MSRA: variants seen among roughly 807,000 people sequenced by gnomAD.
MSRA encodes methionine sulfoxide reductase A, also known as mitochondrial peptide methionine sulfoxide reductase.
In MSRA, 54 loss-of-function variants were observed where a neutral mutation model predicts 31.3. The observed-to-expected ratio is 1.73, with a 90% CI of 1.39 to 2.17. The LOEUF is 2.17. MSRA is among the 30% of genes most tolerant of loss of function. MSRA has a pLI of 0.00. For synonymous variants in MSRA, 169 were observed against 116.5 expected (o/e 1.45, Z -2.90); for missense variants, 507 against 300.9 (o/e 1.69, Z -5.07).
In MSRA at chr8:10,074,937, GT is replaced by G. The variant is rs200727804; in HGVS notation, c.142+20280del. Among the ~76,000 whole-genome samples the G allele has an allele frequency of 9.0e-3, 1,367 of 152,278 alleles. 68 individuals carry two copies. Among genetic ancestry groups the G allele is most frequent in the Admixed American group, 0.082 (1,251 of 15,302 alleles). ...GCCTCCCGAAGTGCTGGGATTACAG[GT>G]GTGAGCCACCACGCCCGGCACCCTG... On this transcript the variant is annotated intron_variant, in intron 1 of 5. Coordinates refer to ENST00000317173, the MANE Select transcript of MSRA (RefSeq NM_012331.5).
intron 1 of MSRA, among the ~76,000 whole-genome samples, chr8:10,199,427 C>G (rs937477675): frequency 6.6e-6 from 1 of 152,216 alleles, no homozygotes; most frequent in Non-Finnish European, 1.5e-5. Flanking sequence ...TCAAGTGATT[C>G]TCCTGCCTCA....
At chr8:10,194,235 A>G (rs938999917) in intron 1 of MSRA, among the ~76,000 whole-genome samples, 1 of 152,146 alleles carries the variant, frequency 6.6e-6, no homozygotes, top group Non-Finnish European at 1.5e-5. Flanking sequence ...AAAATTTTGC[A>G]TGCTTGATCC....
chr8:10,100,639 G>A (rs1272913922), intron 1 of MSRA, among the ~76,000 whole-genome samples: 1 of 152,120 alleles, frequency 6.6e-6, no homozygotes, highest in African/African-American at 2.4e-5. Flanking sequence ...ACTGGAGTTA[G>A]GAGTTTATTC....
intron 3 of MSRA, among the ~76,000 whole-genome samples, chr8:10,296,672 G>A (rs891269324): frequency 6.6e-6 from 1 of 152,226 alleles, no homozygotes; most frequent in Non-Finnish European, 1.5e-5. Context: ...CACCCAGTTT[G>A]CAGGTGAAGA....
chr8:10,373,791 C>A (rs554706767), intron 5 of MSRA, among the ~76,000 whole-genome samples: 1 of 152,210 alleles, frequency 6.6e-6, no homozygotes, highest in Non-Finnish European at 1.5e-5. Context: ...CTTTGGAGCC[C>A]AGCAGAGGAG....
chr8:10,277,406 T>C (rs1365414965), intron 3 of MSRA, among the ~76,000 whole-genome samples: 1 of 152,222 alleles, frequency 6.6e-6, no homozygotes, highest in African/African-American at 2.4e-5. Context: ...TCACTCACCC[T>C]GTTTATGCCT....
chr8:10,281,116 C>T (rs916387471), intron 3 of MSRA, among the ~76,000 whole-genome samples: 1 of 152,080 alleles, frequency 6.6e-6, no homozygotes, highest in Non-Finnish European at 1.5e-5. Flanking sequence ...ATACTAAAAA[C>T]CACTGAGTTA....
intron 1 of MSRA, among the ~76,000 whole-genome samples, chr8:10,063,579 G>GAGGTGGGGGATTAT (rs1563387987): frequency 7.2e-5 from 11 of 151,948 alleles, no homozygotes; most frequent in Non-Finnish European, 1.6e-4. Context: ...TGGGGGATTA[G>GAGGTGGGGGATTAT]GAGGTGGGGG....
chr8:10,244,442 G>A (rs766895406), intron 2 of MSRA, among the ~76,000 whole-genome samples: 30 of 152,180 alleles, frequency 2.0e-4, no homozygotes, highest in Non-Finnish European at 4.0e-4. Flanking sequence ...GTTGAATGGA[G>A]TGCTACTTTT....
intron 5 of MSRA, among the ~76,000 whole-genome samples, chr8:10,383,541 A>G (rs560456043): frequency 6.6e-6 from 1 of 152,104 alleles, no homozygotes. Flanking sequence ...GCTGCCTGTC[A>G]GTTATTTTTT....
intron 1 of MSRA, among the ~76,000 whole-genome samples, chr8:10,084,652 T>G (rs1217625404): frequency 6.6e-6 from 1 of 152,140 alleles, no homozygotes; most frequent in African/African-American, 2.4e-5. Flanking sequence ...AAAAATGGGG[T>G]TGATGATACC....
chr8:10,422,738 G>A (rs1390075299), intron 5 of MSRA, among the ~76,000 whole-genome samples: 1 of 152,186 alleles, frequency 6.6e-6, no homozygotes, highest in African/African-American at 2.4e-5. Context: ...CAGCCCTGGG[G>A]GTACCTGGCC....
At chr8:10,417,967 C>G (rs1217039378) in intron 5 of MSRA, among the ~76,000 whole-genome samples, 8 of 152,102 alleles carry the variant, frequency 5.3e-5, no homozygotes, top group African/African-American at 1.7e-4. Context: ...CCGCGTCCTG[C>G]CTGCGAGTTT....
Position 10,078,874 on chromosome 8 carries a change from T to C in MSRA, c.142+24216T>C, listed in dbSNP as rs576787975. On this transcript the variant is annotated intron_variant, in intron 1 of 5. Transcript: ENST00000317173. ...AGCTGAATTAACATGGATGCCTTCC[T>C]TATCCTTAACAAGGTTTGTCTTGAA... Among the ~76,000 whole-genome samples, 19 of 152,372 alleles carry C rather than the reference T, an allele frequency of 1.2e-4. No homozygotes were observed. The South Asian group carries it at 3.7e-3, about 30-fold the overall frequency.
At chr8:10,255,154 AG>A (rs1798110444) in intron 3 of MSRA, among the ~76,000 whole-genome samples, 1 of 152,232 alleles carries the variant, frequency 6.6e-6, no homozygotes, top group Admixed American at 6.5e-5. Flanking sequence ...AAAGCAGTTG[AG>A]GACTAGGGCC....
rs962969413 is a variant in MSRA at position 10,336,054 on chromosome 8, G to A, written c.543+16065G>A. 6.6e-5 allele frequency among the ~76,000 whole-genome samples: 10 copies of A among 152,234 alleles called. No homozygotes were observed. The South Asian group carries it at 2.1e-3, about 32-fold the overall frequency. ...CCTCACAGATTTATAAATAGGGAAT[G>A]GGCTCTAGGAGGAAGATCGCTCCTC... On this transcript the variant is annotated intron_variant, in intron 5 of 5. Coordinates refer to ENST00000317173, the MANE Select transcript of MSRA (RefSeq NM_012331.5).
intron 1 of MSRA, among the ~76,000 whole-genome samples, chr8:10,180,964 A>T (rs11786117): frequency 6.6e-6 from 1 of 151,970 alleles, no homozygotes; most frequent in African/African-American, 2.4e-5. Flanking sequence ...TATGACTTCA[A>T]TCTTGATAAC....
intron 5 of MSRA, among the ~76,000 whole-genome samples, chr8:10,394,331 C>T (rs755660169): frequency 3.6e-4 from 55 of 152,178 alleles, no homozygotes; most frequent in Non-Finnish European, 7.3e-4. Context: ...CCAGATCCTA[C>T]CACACAGGGT....
intron 1 of MSRA, among the ~76,000 whole-genome samples, chr8:10,060,949 A>G (rs1326816845): frequency 6.6e-6 from 1 of 152,258 alleles, no homozygotes; most frequent in African/African-American, 2.4e-5. Context: ...AAAATGATAG[A>G]AAACAGTTTT....
Sources: gnomAD v4.1 joint callset for allele counts (sites outside exome capture counted in the v4.1 genomes callset) on GRCh38, gnomAD v4.1.1 for gene constraint, MANE v1.5 for transcripts, NCBI Gene and HGNC (gene_info 2026-07-23, HGNC 2026-07-21) for gene names.